The following DNAJC11 variants were observed in gnomAD, a reference collection of about 807,000 sequenced individuals.
The protein encoded by DNAJC11 is dnaJ homolog subfamily C member 11.
A neutral mutation model predicts 78.6 loss-of-function variants in DNAJC11; 15 were observed. The observed-to-expected ratio is 0.19, with a 90% CI of 0.13 to 0.29. The LOEUF (loss-of-function observed/expected upper bound fraction) is 0.29, where lower values mean the gene tolerates loss of function less well. Among genes scored for constraint, DNAJC11 ranks in the 10% least tolerant of loss-of-function variants. The probability of loss-of-function intolerance (pLI) is 1.00; values close to 1 mark genes in which losing one functional copy is unlikely to be tolerated. For missense variants in DNAJC11, 547 were observed against 709.6 expected (o/e 0.77, Z 2.60); for synonymous variants, 292 against 272.1 (o/e 1.07, Z -0.72).
intron 1 of DNAJC11, among the ~76,000 whole-genome samples, chr1:6,691,216 A>T (rs1642740039): frequency 6.6e-6 from 1 of 150,480 alleles, no homozygotes; most frequent in South Asian, 2.1e-4. Context: ...CAGGAAGCAC[A>T]TCACCTGTAA....
At chr1:6,657,158 C>T (rs997079408) in intron 4 of DNAJC11, among the ~76,000 whole-genome samples, 1 of 152,118 alleles carries the variant, frequency 6.6e-6, no homozygotes, top group Non-Finnish European at 1.5e-5. Flanking sequence ...TTTTGTCCAA[C>T]AGAATGCGTG....
Position 6,634,454 on chromosome 1 carries a change from A to T in DNAJC11, c.*1221T>A, listed in dbSNP as rs17692. 0.2 allele frequency: 255,180 copies of T among 1,293,922 alleles called. 28,460 individuals are homozygous for T. The highest frequency in any genetic ancestry group is 0.41 in the Admixed American group (17,790 of 43,432). The allele number at this position is 1,293,922 out of a possible 1,614,324, so 80.2% of individuals were successfully genotyped here. ...ACTCAGATACCAGTGCTGGGGAGGG[A>T]GGCCTGACTTCAGCAACAGCTGTGG... On this transcript the variant is annotated 3_prime_UTR_variant, in exon 16 of 16. Coordinates refer to ENST00000377577, the MANE Select transcript of DNAJC11 (RefSeq NM_018198.4).
intron 10 of DNAJC11, 81 bp downstream of exon 10, chr1:6,644,477 T>C (rs1641935983): frequency 9.6e-6 from 10 of 1,040,288 alleles, no homozygotes; most frequent in Middle Eastern, 4.1e-4. Flanking sequence ...GCAAAGGCTA[T>C]TTCAGCCTTA....
At position 6,634,213 on chromosome 1, in the gene DNAJC11, TCGACTG is replaced by T; in HGVS notation, c.*1456_*1461del. 1.0e-6 allele frequency: 1 copy of T among 975,326 alleles called. No homozygotes were observed. Among genetic ancestry groups the T allele is most frequent in the Non-Finnish European group, 1.5e-6 (1 of 650,506 alleles). The allele number at this position is 975,326 out of a possible 1,614,324, so 60.4% of individuals were successfully genotyped here. A position where few individuals can be genotyped will look rare whatever the true frequency, so the allele number is the denominator to read the frequency against. On this transcript the variant is annotated 3_prime_UTR_variant, in exon 16 of 16. Coordinates refer to ENST00000377577, the MANE Select transcript of DNAJC11 (RefSeq NM_018198.4). ...ATTGTGGTGAGTGCCTTCTGTACAG[TCGACTG>T]CAAATGAAACGCAGAGGATGGGTGC... is the stretch of plus-strand genomic sequence containing the variant.
intron 14 of DNAJC11, 23 bp downstream of exon 14, chr1:6,637,175 T>C (rs550270255): frequency 1.9e-6 from 3 of 1,613,884 alleles, no homozygotes; most frequent in Non-Finnish European, 1.7e-6. Context: ...GCACATAGCA[T>C]GTGGTGGCTG....
intron 4 of DNAJC11, among the ~76,000 whole-genome samples, chr1:6,658,718 G>A (rs1463514780): frequency 6.6e-6 from 1 of 151,926 alleles, no homozygotes; most frequent in Admixed American, 6.6e-5. Flanking sequence ...TTACTTTATA[G>A]AGAAATTCTT....
chr1:6,678,630 C>T (rs1642507487), intron 2 of DNAJC11, among the ~76,000 whole-genome samples, 163 bp from the exon 3 acceptor site: 1 of 152,172 alleles, frequency 6.6e-6, no homozygotes, highest in African/African-American at 2.4e-5. Flanking sequence ...CTCCCAACTG[C>T]TTTTTCGATT....
intron 14 of DNAJC11, among the ~76,000 whole-genome samples, chr1:6,636,727 T>C (rs1465334266): frequency 1.3e-5 from 2 of 152,122 alleles, no homozygotes; most frequent in Non-Finnish European, 2.9e-5. Context: ...AGAGAATAGC[T>C]CCAACGTGGG....
intron 1 of DNAJC11, among the ~76,000 whole-genome samples, chr1:6,691,904 AAT>A (rs1642751960): frequency 6.6e-6 from 1 of 152,244 alleles, no homozygotes; most frequent in Non-Finnish European, 1.5e-5. Context: ...TCCTTTAAAA[AAT>A]ATATGCTATT....
intron 10 of DNAJC11, 32 bp from the exon 11 acceptor site, chr1:6,640,089 A>G (rs1355353639): frequency 2.6e-6 from 4 of 1,512,242 alleles, no homozygotes; most frequent in African/African-American, 1.4e-5. Context: ...AAAAAAAAAA[A>G]GCCAAGATGA....
In DNAJC11 at chr1:6,701,638, G is replaced by C. The variant is rs555982830; in HGVS notation, c.72+91C>G. ...CCTCCCCGACGGACCCGAGCCTCCC[G>C]TGGCGGGGGTGGGGCGGCCACCGCC... On this transcript the variant is annotated intron_variant, in intron 1 of 15. Transcript: ENST00000377577. 2.7e-5 allele frequency: 36 copies of C among 1,343,028 alleles called. No individual in the cohort carries two copies. The South Asian group carries it at 4.9e-4, about 18-fold the overall frequency. The allele number at this position is 1,343,028 out of a possible 1,614,324, so 83.2% of individuals were successfully genotyped here.
intron 4 of DNAJC11, among the ~76,000 whole-genome samples, chr1:6,662,024 T>G (rs1642221168): frequency 6.6e-6 from 1 of 152,120 alleles, no homozygotes; most frequent in Non-Finnish European, 1.5e-5. Flanking sequence ...CGATCCTGGC[T>G]TACTGCAACC....
intron 3 of DNAJC11, among the ~76,000 whole-genome samples, chr1:6,670,205 G>A (rs764486370): frequency 6.6e-5 from 10 of 151,764 alleles, no homozygotes; most frequent in Non-Finnish European, 1.0e-4. Context: ...TGATCCGCCC[G>A]CCCAGATTAT....
intron 1 of DNAJC11, among the ~76,000 whole-genome samples, chr1:6,683,846 G>A (rs537206607): frequency 4.6e-5 from 7 of 152,306 alleles, no homozygotes; most frequent in Admixed American, 4.6e-4. Context: ...CTCTAGAAGA[G>A]GTGGGCCTCC....
At chr1:6,697,697 G>T (rs1045172489) in intron 1 of DNAJC11, among the ~76,000 whole-genome samples, 81 of 152,182 alleles carry the variant, frequency 5.3e-4, no homozygotes, top group African/African-American at 1.9e-3. Context: ...CCCTGCTCTA[G>T]AATACAAATT....
At chr1:6,689,038 A>G (rs1296900470) in intron 1 of DNAJC11, among the ~76,000 whole-genome samples, 5 of 152,152 alleles carry the variant, frequency 3.3e-5, no homozygotes, top group Non-Finnish European at 7.3e-5. Flanking sequence ...CAAAACATCT[A>G]ATTTATACAG....
At chr1:6,685,507 G>A (rs972280691) in intron 1 of DNAJC11, among the ~76,000 whole-genome samples, 7 of 152,128 alleles carry the variant, frequency 4.6e-5, no homozygotes, top group Non-Finnish European at 8.8e-5. Flanking sequence ...ACTAGAGGTC[G>A]CACAGAGTTT....
chr1:6,634,321 G>T lies in DNAJC11; in HGVS notation c.*1354C>A. 9.9e-7 allele frequency: 1 copy of T among 1,012,086 alleles called. No homozygotes were observed. The highest frequency in any genetic ancestry group is 1.4e-6 in the Non-Finnish European group (1 of 718,878). 62.7% of individuals were successfully genotyped at this position (1,012,086 alleles called of 1,614,324 possible). On this transcript the variant is annotated 3_prime_UTR_variant, in exon 16 of 16. Transcript: ENST00000377577. ...GCAACACGACGCTCACCGCGGCTCG[G>T]GCCGTGGGGCCGTCAGAGAAACCTT... is the stretch of plus-strand genomic sequence containing the variant.
At chr1:6,642,756 C>T (rs1232822003) in intron 10 of DNAJC11, among the ~76,000 whole-genome samples, 3 of 152,118 alleles carry the variant, frequency 2.0e-5, no homozygotes, top group Admixed American at 6.6e-5. Flanking sequence ...TTTCTGGGGG[C>T]ACAGGGAGGG....
Sources: allele counts gnomAD v4.1 joint callset (sites outside exome capture counted in the v4.1 genomes callset), GRCh38; gene constraint gnomAD v4.1.1; transcripts MANE v1.5; gene names NCBI Gene and HGNC (gene_info 2026-07-23, HGNC 2026-07-21).